Variants in KIRREL1 observed in about 807,000 individuals in gnomAD.
KIRREL1 encodes kin of IRRE-like protein 1.
In KIRREL1, 25 loss-of-function variants were observed where a neutral mutation model predicts 83.3. The ratio of observed to expected loss-of-function variants is 0.30; its 90% confidence interval spans 0.22 to 0.42. KIRREL1 has a LOEUF of 0.42. Ranked by LOEUF, KIRREL1 falls within the 10% of genes least tolerant of loss-of-function variation. The probability of loss-of-function intolerance (pLI) is 1.00; values close to 1 mark genes in which losing one functional copy is unlikely to be tolerated. For missense variants in KIRREL1, 812 were observed against 1,032.3 expected, an observed-to-expected ratio of 0.79 and a Z score of 2.92; for synonymous variants, 388 against 410.4, an observed-to-expected ratio of 0.95 and a Z score of 0.66.
rs1659178841 is a variant in KIRREL1, at chr1:157,995,760, C to T, written c.52+2032C>T. ...CTGAGCTCCCACTTCTCTGCTCCAA[C>T]AGGGGTGAAAGCAGGACCTGGTGAA... is the stretch of plus-strand genomic sequence containing the variant. On this transcript the variant is annotated intron_variant, in intron 1 of 14. Coordinates refer to ENST00000359209, the MANE Select transcript of KIRREL1 (RefSeq NM_018240.7). Among the ~76,000 whole-genome samples the T allele has an allele frequency of 2.0e-5, 3 of 151,800 alleles. No individual in the cohort carries two copies. In the South Asian group the frequency reaches 6.2e-4, roughly 32 times the overall value.
intron 1 of KIRREL1, among the ~76,000 whole-genome samples, chr1:158,007,277 G>A (rs1659544155): frequency 6.6e-6 from 1 of 152,160 alleles, no homozygotes; most frequent in Admixed American, 6.5e-5. Context: ...AGAGACACTG[G>A]AGCTGGGTCA....
chr1:158,010,263 C>T (rs1258681947), intron 1 of KIRREL1, among the ~76,000 whole-genome samples: 1 of 151,604 alleles, frequency 6.6e-6, no homozygotes, highest in Non-Finnish European at 1.5e-5. Flanking sequence ...TGGAAGCAAA[C>T]ATTTCATGCA....
chr1:158,073,434 G>A (rs1172075608), intron 1 of KIRREL1, among the ~76,000 whole-genome samples: 1 of 152,154 alleles, frequency 6.6e-6, no homozygotes, highest in Non-Finnish European at 1.5e-5. Flanking sequence ...GTGCATACAG[G>A]CAAGGGACTG....
chr1:158,032,104 C>A (rs12145124), intron 1 of KIRREL1, among the ~76,000 whole-genome samples: 138,101 of 151,628 alleles, frequency 0.91, 63,546 homozygotes, highest in East Asian at 0.99. Flanking sequence ...AAAAGAAAAA[C>A]AAACAAACAA....
chr1:158,073,521 A>G (rs577921675), intron 1 of KIRREL1, among the ~76,000 whole-genome samples: 4 of 152,202 alleles, frequency 2.6e-5, no homozygotes, highest in Non-Finnish European at 5.9e-5. Flanking sequence ...TCCCCAGTTT[A>G]CCAGGCAGGA....
intron 1 of KIRREL1, among the ~76,000 whole-genome samples, chr1:158,036,818 T>C (rs987767400): frequency 2.6e-5 from 4 of 151,982 alleles, no homozygotes; most frequent in Admixed American, 1.3e-4. Context: ...CAGTTTGGGG[T>C]GGACAGCAAG....
chr1:158,006,169 G>A (rs1659515667), intron 1 of KIRREL1, among the ~76,000 whole-genome samples: 1 of 152,206 alleles, frequency 6.6e-6, no homozygotes, highest in South Asian at 2.1e-4. Context: ...ACCTCAAAAT[G>A]GACTCTCAAA....
At chr1:158,039,015 C>T (rs975679201) in intron 1 of KIRREL1, among the ~76,000 whole-genome samples, 12 of 152,146 alleles carry the variant, frequency 7.9e-5, no homozygotes, top group Non-Finnish European at 1.5e-4. Context: ...GCCCTGCAGC[C>T]CGAGAGGGTT....
chr1:158,040,935 C>T (rs531553564), intron 1 of KIRREL1, among the ~76,000 whole-genome samples: 2 of 151,564 alleles, frequency 1.3e-5, no homozygotes, highest in African/African-American at 2.4e-5. Flanking sequence ...GTGAATCAAT[C>T]TTGTGTTTTA....
At chr1:158,068,804 TG>T (rs919750479) in intron 1 of KIRREL1, among the ~76,000 whole-genome samples, 1 of 143,930 alleles carries the variant, frequency 6.9e-6, no homozygotes. Context: ...TGACTGGGGT[TG>T]GGGGGAAAAG....
chr1:158,091,040 T>C (rs1444938703), intron 10 of KIRREL1, among the ~76,000 whole-genome samples: 1 of 152,042 alleles, frequency 6.6e-6, no homozygotes, highest in Non-Finnish European at 1.5e-5. Context: ...ATGATGAAAA[T>C]AGAGATTCTC....
intron 1 of KIRREL1, among the ~76,000 whole-genome samples, chr1:158,022,309 G>A (rs147617556): frequency 3.6e-3 from 541 of 152,280 alleles, no homozygotes; most frequent in Non-Finnish European, 5.8e-3. Context: ...TTCTATTTGA[G>A]CATTTAACTT....
chr1:158,022,444 A>G (rs1660025862), intron 1 of KIRREL1, among the ~76,000 whole-genome samples: 1 of 152,180 alleles, frequency 6.6e-6, no homozygotes, highest in African/African-American at 2.4e-5. Context: ...CACCCAGCGG[A>G]TTCTGACAGA....
chr1:158,079,173 T>C (rs7366587), intron 3 of KIRREL1, among the ~76,000 whole-genome samples: 39,427 of 152,152 alleles, frequency 0.26, 5,815 homozygotes, highest in East Asian at 0.51. Flanking sequence ...CCATTTGATA[T>C]GTTTTGCCCC....
In KIRREL1 at chr1:158,097,085, C is replaced by A; in HGVS notation, c.*1965C>A. ...TCCTCCTTCATTTCAGCAGGGAAAA[C>A]TCCTGTGGAGTGGGCCCTATCTGGG... is the stretch of plus-strand genomic sequence containing the variant. On this transcript the variant is annotated 3_prime_UTR_variant, in exon 15 of 15. Transcript: ENST00000359209. 3 of 456,698 alleles carry A rather than the reference C, an allele frequency of 6.6e-6. No individual in the cohort carries two copies. Among genetic ancestry groups the A allele is most frequent in the Non-Finnish European group, 1.3e-5 (3 of 226,960 alleles). 28.3% of individuals were successfully genotyped at this position (456,698 alleles called of 1,614,324 possible).
intron 1 of KIRREL1, among the ~76,000 whole-genome samples, chr1:158,000,278 C>G (rs909314896): frequency 6.6e-6 from 1 of 152,246 alleles, no homozygotes; most frequent in East Asian, 1.9e-4. Flanking sequence ...TTTACCCAAG[C>G]CTTTTCAGTC....
In KIRREL1 at chr1:158,029,366, T is replaced by TGTGTGTGTGTGC. The variant is rs1553238087; in HGVS notation, c.52+35639_52+35640insTGTGTGTGTGCG. Among the ~76,000 whole-genome samples, 407 of 149,010 alleles carry TGTGTGTGTGTGC rather than the reference T, an allele frequency of 2.7e-3. 3 individuals are homozygous for TGTGTGTGTGTGC. Among genetic ancestry groups the TGTGTGTGTGTGC allele is most frequent in the Middle Eastern group, 6.9e-3 (2 of 288 alleles). Reference sequence around the variant, plus strand: ...GTGTGTGTGTGTGTGTGTGTGTGTGTGCACGTGCGCGCGCATGCACACATG... The same window carrying TGTGTGTGTGTGC: ...GTGTGTGTGTGTGTGTGTGTGTGTGTGTGTGTGTGTGCGCACGTGCGCGCGCATGCACACATG... On this transcript the variant is annotated intron_variant, in intron 1 of 14. Transcript: ENST00000359209.
chr1:158,066,726 T>A (rs1661367324), intron 1 of KIRREL1, among the ~76,000 whole-genome samples: 2 of 152,148 alleles, frequency 1.3e-5, no homozygotes. Context: ...CCTTTCTCCA[T>A]CTCTTGCAGC....
chr1:158,075,661 G>T (rs1661658037), intron 1 of KIRREL1, among the ~76,000 whole-genome samples: 1 of 152,198 alleles, frequency 6.6e-6, no homozygotes, highest in African/African-American at 2.4e-5. Context: ...CTAAGTAGGA[G>T]TCATTAATGT....
Sources: allele counts gnomAD v4.1 joint callset (sites outside exome capture counted in the v4.1 genomes callset), GRCh38; gene constraint gnomAD v4.1.1; transcripts MANE v1.5; gene names NCBI Gene and HGNC (gene_info 2026-07-23, HGNC 2026-07-21).